Variants in SLC24A2 observed in about 807,000 individuals in gnomAD.
SLC24A2 encodes solute carrier family 24 member 2, also known as sodium/potassium/calcium exchanger 2.
A neutral mutation model predicts 62.0 loss-of-function variants in SLC24A2; 36 were observed. That is an observed-to-expected ratio of 0.58 (90% CI 0.44 to 0.77). The LOEUF (loss-of-function observed/expected upper bound fraction) is 0.77. Among genes scored for constraint, SLC24A2 ranks in the 30% least tolerant of loss-of-function variants. The probability of loss-of-function intolerance (pLI) is 0.00; values close to 1 mark genes in which losing one functional copy is unlikely to be tolerated. For missense variants in SLC24A2, 846 were observed against 817.9 expected (o/e 1.03, Z -0.42); for synonymous variants, 358 against 294.0 (o/e 1.22, Z -2.23).
intron 2 of SLC24A2, among the ~76,000 whole-genome samples, chr9:19,723,873 A>G (rs902897484): frequency 2.6e-5 from 4 of 152,088 alleles, no homozygotes; most frequent in African/African-American, 9.7e-5. Context: ...ACATTTTTTG[A>G]GAGTCTACTA....
chr9:19,728,961 A>C (rs1259869141), intron 2 of SLC24A2, among the ~76,000 whole-genome samples: 1 of 152,224 alleles, frequency 6.6e-6, no homozygotes, highest in Non-Finnish European at 1.5e-5. Context: ...AGTGAAGCAC[A>C]GGAGCCTGAG....
intron 2 of SLC24A2, among the ~76,000 whole-genome samples, chr9:19,775,085 T>A (rs1412022147): frequency 2.6e-5 from 4 of 152,246 alleles, no homozygotes; most frequent in Non-Finnish European, 5.9e-5. Context: ...TTAGTCCTGC[T>A]GATGCAAAAT....
intron 2 of SLC24A2, among the ~76,000 whole-genome samples, chr9:19,693,640 A>G (rs536769178): frequency 2.0e-5 from 3 of 152,266 alleles, no homozygotes; most frequent in Non-Finnish European, 4.4e-5. Flanking sequence ...GACATCGACA[A>G]GACTGATAAG....
At chr9:19,837,109 A>G in the SLC24A2 span, among the ~76,000 whole-genome samples, 1 of 152,228 alleles carries the variant, frequency 6.6e-6, no homozygotes, top group Admixed American at 6.5e-5. Flanking sequence ...TGACAAACCC[A>G]CAGCCAATAT....
chr9:19,616,691 T>TA (rs1428838219), intron 4 of SLC24A2, among the ~76,000 whole-genome samples: 4 of 152,152 alleles, frequency 2.6e-5, no homozygotes, highest in African/African-American at 9.7e-5. Context: ...GTGAATAAAA[T>TA]AGAGTCCCTG....
chr9:19,872,872 GT>G, the SLC24A2 span, among the ~76,000 whole-genome samples: 1 of 152,124 alleles, frequency 6.6e-6, no homozygotes, highest in African/African-American at 2.4e-5. Flanking sequence ...GAAGAATCAA[GT>G]TTCCAGAGCC....
intron 5 of SLC24A2, among the ~76,000 whole-genome samples, chr9:19,586,993 TA>T (rs1320937126): frequency 1.3e-5 from 2 of 152,170 alleles, no homozygotes; most frequent in African/African-American, 2.4e-5. Context: ...ATCACTTTAC[TA>T]AAAAGGCAGG....
the SLC24A2 span, among the ~76,000 whole-genome samples, chr9:19,868,705 T>C: frequency 6.6e-6 from 1 of 152,204 alleles, no homozygotes; most frequent in Admixed American, 6.5e-5. Context: ...TTCATGCTGG[T>C]TTCATTATGA....
the SLC24A2 span, among the ~76,000 whole-genome samples, chr9:20,298,952 A>T: frequency 6.6e-6 from 1 of 152,232 alleles, no homozygotes; most frequent in Non-Finnish European, 1.5e-5. Flanking sequence ...CCTGTGCTGA[A>T]CAGGGAGGAT....
chr9:19,872,200 A>G, the SLC24A2 span, among the ~76,000 whole-genome samples: 3 of 152,290 alleles, frequency 2.0e-5, no homozygotes, highest in African/African-American at 7.2e-5. Context: ...AAATATAGGA[A>G]CATGCATTGT....
chr9:19,734,620 T>A (rs1821447832), intron 2 of SLC24A2, among the ~76,000 whole-genome samples: 1 of 152,190 alleles, frequency 6.6e-6, no homozygotes, highest in Non-Finnish European at 1.5e-5. Flanking sequence ...TAAGCTGGAT[T>A]CCTAGGTATT....
At chr9:19,828,438 A>G in the SLC24A2 span, among the ~76,000 whole-genome samples, 3 of 152,226 alleles carry the variant, frequency 2.0e-5, no homozygotes, top group African/African-American at 7.2e-5. Flanking sequence ...ACTATTATTT[A>G]CCCATAATAA....
At chr9:19,961,098 G>GGA in the SLC24A2 span, among the ~76,000 whole-genome samples, 2 of 145,382 alleles carry the variant, frequency 1.4e-5, no homozygotes, top group African/African-American at 2.6e-5. Flanking sequence ...AGAGAAGAAA[G>GGA]GAGAGAGAGA....
At chr9:19,661,153 A>G (rs931812212) in intron 2 of SLC24A2, among the ~76,000 whole-genome samples, 8 of 151,078 alleles carry the variant, frequency 5.3e-5, no homozygotes, top group Non-Finnish European at 7.4e-5. Context: ...TAAGAGAAAC[A>G]CGGTAAAAAA....
At chr9:20,032,949 T>G in the SLC24A2 span, among the ~76,000 whole-genome samples, 92 of 152,346 alleles carry the variant, frequency 6.0e-4, no homozygotes, top group Non-Finnish European at 3.7e-4. Flanking sequence ...TTTCCCTTTT[T>G]ACAGCTGGTA....
the SLC24A2 span, among the ~76,000 whole-genome samples, chr9:20,162,546 G>A: frequency 3.9e-5 from 6 of 152,018 alleles, no homozygotes; most frequent in Admixed American, 3.9e-4. Flanking sequence ...AATTCTACCA[G>A]AAGTACAAGG....
chr9:19,536,475 G>C (rs966837103), intron 8 of SLC24A2, among the ~76,000 whole-genome samples: 2 of 90,986 alleles, frequency 2.2e-5, no homozygotes, highest in African/African-American at 4.6e-5. Flanking sequence ...TCTTGCGATA[G>C]TTTACTGAGA....
intron 9 of SLC24A2, among the ~76,000 whole-genome samples, chr9:19,522,960 A>G (rs756298739): frequency 4.6e-5 from 7 of 152,224 alleles, no homozygotes; most frequent in Admixed American, 6.5e-5. Context: ...TACTGTCGGC[A>G]AGTTCCAATC....
intron 2 of SLC24A2, among the ~76,000 whole-genome samples, chr9:19,645,299 T>A (rs1006581975): frequency 6.6e-6 from 1 of 152,226 alleles, no homozygotes; most frequent in Admixed American, 6.5e-5. Flanking sequence ...TATCTTGTAT[T>A]GGTGGTTCAT....
Sources: allele counts gnomAD v4.1 joint callset (sites outside exome capture counted in the v4.1 genomes callset), GRCh38; gene constraint gnomAD v4.1.1; transcripts MANE v1.5; gene names NCBI Gene and HGNC (gene_info 2026-07-23, HGNC 2026-07-21).